Variants in EPHB1 observed in about 807,000 individuals in gnomAD.
EPHB1 encodes ephrin type-B receptor 1.
In EPHB1, 30 loss-of-function variants were observed where a neutral mutation model predicts 94.4. The ratio of observed to expected loss-of-function variants is 0.32; its 90% confidence interval spans 0.24 to 0.43. The LOEUF (loss-of-function observed/expected upper bound fraction) is 0.43, where lower values mean the gene tolerates loss of function less well. Among genes scored for constraint, EPHB1 ranks in the 20% least tolerant of loss-of-function variants. The pLI is 1.00. For synonymous variants in EPHB1, 522 were observed against 489.1 expected, an observed-to-expected ratio of 1.07 and a Z score of -0.89; for missense variants, 1,055 against 1,308.3, an observed-to-expected ratio of 0.81 and a Z score of 2.99.
At chr3:135,041,815 G>C (rs1054380498) in intron 3 of EPHB1, among the ~76,000 whole-genome samples, 10 of 152,144 alleles carry the variant, frequency 6.6e-5, no homozygotes, top group African/African-American at 2.4e-4. Context: ...CCCACATCTG[G>C]GGAGGGCCTT....
chr3:134,917,121 G>A (rs772187023), intron 1 of EPHB1, among the ~76,000 whole-genome samples: 26 of 152,168 alleles, frequency 1.7e-4, no homozygotes, highest in Non-Finnish European at 3.2e-4. Flanking sequence ...CCAGACCTGA[G>A]GATTCCAGAG....
intron 12 of EPHB1, among the ~76,000 whole-genome samples, chr3:135,203,159 G>T (rs1441274057): frequency 6.6e-6 from 1 of 152,196 alleles, no homozygotes; most frequent in African/African-American, 2.4e-5. Flanking sequence ...ATAAGTGGGA[G>T]TCGAACAATG....
In EPHB1 at chr3:135,260,134, T is replaced by G. The variant is rs555467859; in HGVS notation, c.*1014T>G. 3.9e-5 allele frequency: 9 copies of G among 233,132 alleles called. No individual in the cohort carries two copies. Among genetic ancestry groups the G allele is most frequent in the African/African-American group, 2.0e-4 (9 of 45,460 alleles). 14.4% of individuals were successfully genotyped at this position (233,132 alleles called of 1,614,324 possible). A position where few individuals can be genotyped will look rare whatever the true frequency, so the allele number is the denominator to read the frequency against. On this transcript the variant is annotated 3_prime_UTR_variant, in exon 16 of 16. Transcript: ENST00000398015. ...TGGGCCATCCTGGAATGATACTGAC[T>G]GATTAATTATTCCTGATAACATCTC...
intron 3 of EPHB1, among the ~76,000 whole-genome samples, chr3:134,960,380 T>C (rs1933468879): frequency 6.6e-6 from 1 of 152,190 alleles, no homozygotes; most frequent in Non-Finnish European, 1.5e-5. Context: ...AGGCTGTAAA[T>C]GTTCAGGCTA....
chr3:134,819,238 C>T (rs1481471995), intron 1 of EPHB1, among the ~76,000 whole-genome samples: 1 of 152,152 alleles, frequency 6.6e-6, no homozygotes, highest in Non-Finnish European at 1.5e-5. Flanking sequence ...CATAATCAGT[C>T]GGAGCTTCTG....
intron 2 of EPHB1, among the ~76,000 whole-genome samples, chr3:134,931,813 CTG>C (rs1198296891): frequency 2.0e-5 from 3 of 151,620 alleles, no homozygotes; most frequent in Non-Finnish European, 2.9e-5. Flanking sequence ...GTATATATGT[CTG>C]TATATATGTA....
chr3:134,999,904 C>T (rs776379544), intron 3 of EPHB1, among the ~76,000 whole-genome samples: 13 of 152,320 alleles, frequency 8.5e-5, no homozygotes, highest in Non-Finnish European at 1.3e-4. Flanking sequence ...AAGGTCTGCT[C>T]TTTCTCACTT....
At chr3:135,246,159 G>A (rs1271448474) in intron 13 of EPHB1, among the ~76,000 whole-genome samples, 4 of 152,126 alleles carry the variant, frequency 2.6e-5, no homozygotes, top group Admixed American at 2.6e-4. Context: ...TAACTGCCCT[G>A]CACTGGAAGA....
In EPHB1 at chr3:135,146,669, C is replaced by G. The variant is rs116988047; in HGVS notation, c.1298-7483C>G. Among the ~76,000 whole-genome samples the G allele has an allele frequency of 1.5e-3, 234 of 152,380 alleles. 7 individuals are homozygous for G. The East Asian group carries it at 0.04, about 26-fold the overall frequency. On this transcript the variant is annotated intron_variant, in intron 5 of 15. Coordinates refer to ENST00000398015, the MANE Select transcript of EPHB1 (RefSeq NM_004441.5). ...ACTCCAGCCTCTGGGGAACCCAGCT[C>G]TTTGCTAGCTTCCCCTTTCTCCAAG...
chr3:135,143,246 A>G (rs1404210669), intron 5 of EPHB1, among the ~76,000 whole-genome samples: 1 of 152,168 alleles, frequency 6.6e-6, no homozygotes, highest in Non-Finnish European at 1.5e-5. Flanking sequence ...GGTGATGTCC[A>G]GAAAGGGGCT....
At chr3:134,893,180 A>G (rs2038020867) in intron 1 of EPHB1, among the ~76,000 whole-genome samples, 1 of 152,158 alleles carries the variant, frequency 6.6e-6, no homozygotes, top group African/African-American at 2.4e-5. Context: ...TGTTCTGAAT[A>G]CAGACTTAAT....
chr3:134,844,278 T>C (rs1364083447), intron 1 of EPHB1, among the ~76,000 whole-genome samples: 2 of 152,194 alleles, frequency 1.3e-5, no homozygotes, highest in Admixed American at 6.5e-5. Flanking sequence ...TTCTCTGCCA[T>C]TGGATCTGTG....
intron 1 of EPHB1, among the ~76,000 whole-genome samples, chr3:134,845,649 C>CA (rs2036858394): frequency 6.6e-6 from 1 of 152,218 alleles, no homozygotes; most frequent in Non-Finnish European, 1.5e-5. Context: ...CCACATTCTG[C>CA]ATCCCACAGA....
chr3:135,103,153 GAAA>G (rs568132714), intron 3 of EPHB1, among the ~76,000 whole-genome samples: 2 of 150,638 alleles, frequency 1.3e-5, no homozygotes, highest in Non-Finnish European at 3.0e-5. Context: ...AAAGAAAAAA[GAAA>G]AAAAAATCTT....
At chr3:135,002,013 G>A (rs868129561) in intron 3 of EPHB1, among the ~76,000 whole-genome samples, 6 of 152,202 alleles carry the variant, frequency 3.9e-5, no homozygotes, top group Middle Eastern at 6.8e-3. Flanking sequence ...CAAAAGGTAG[G>A]AACAATCCAA....
chr3:135,185,225 T>A (rs1186140366), intron 10 of EPHB1, among the ~76,000 whole-genome samples: 2 of 152,166 alleles, frequency 1.3e-5, no homozygotes, highest in Non-Finnish European at 2.9e-5. Context: ...GTGATATGTG[T>A]GGATGGGGAT....
chr3:135,249,619 T>A, intron 15 of EPHB1, 128 bp downstream of exon 15: 2 of 1,120,148 alleles, frequency 1.8e-6, no homozygotes, highest in Non-Finnish European at 2.5e-6. Context: ...AGACCAGGCC[T>A]GGATGGGGAG....
intron 13 of EPHB1, among the ~76,000 whole-genome samples, chr3:135,243,074 C>CAAAAAAAAAA (rs397933477): frequency 1.3e-4 from 13 of 98,146 alleles, no homozygotes; most frequent in South Asian, 3.2e-4. Context: ...GACCCTGTCT[C>CAAAAAAAAAA]AAAAAAAAAA....
At chr3:135,038,778 G>A (rs932685449) in intron 3 of EPHB1, among the ~76,000 whole-genome samples, 1 of 152,188 alleles carries the variant, frequency 6.6e-6, no homozygotes, top group South Asian at 2.1e-4. Flanking sequence ...TGGACCCAAA[G>A]AGTGAGCAGT....
Sources: allele counts gnomAD v4.1 joint callset (sites outside exome capture counted in the v4.1 genomes callset), GRCh38; gene constraint gnomAD v4.1.1; transcripts MANE v1.5; gene names NCBI Gene and HGNC (gene_info 2026-07-23, HGNC 2026-07-21).